TNIK: variants seen among roughly 807,000 people sequenced by gnomAD.
TNIK encodes TRAF2 and NCK-interacting protein kinase.
TNIK carries 49 observed loss-of-function variants against 191.3 expected under a neutral mutation model. That is an observed-to-expected ratio of 0.26 (90% CI 0.20 to 0.32). The LOEUF is 0.32. Among genes scored for constraint, TNIK ranks in the 10% least tolerant of loss-of-function variants. The pLI is 1.00. For missense variants in TNIK, 1,155 were observed against 1,702.3 expected, an observed-to-expected ratio of 0.68 and a Z score of 5.66; for synonymous variants, 594 against 600.9, an observed-to-expected ratio of 0.99 and a Z score of 0.17.
Position 171,062,131 on chromosome 3 carries a change from G to C in TNIK, c.*1750C>G, listed in dbSNP as rs1717888140. ...CGTTCTCATTAATAGTACATCAGCT[G>C]CTTGTGTATTTAGGCAAAGTCAGTA... is the stretch of plus-strand genomic sequence containing the variant. On this transcript the variant is annotated 3_prime_UTR_variant, in exon 33 of 33. Transcript: ENST00000436636. The C allele has an allele frequency of 6.6e-6, 1 of 152,070 alleles. No individual in the cohort carries two copies. Among genetic ancestry groups the C allele is most frequent in the African/African-American group, 2.4e-5 (1 of 41,414 alleles). The allele number at this position is 152,070 out of a possible 1,614,324, so 9.4% of individuals were successfully genotyped here.
intron 8 of TNIK, among the ~76,000 whole-genome samples, 200 bp from the exon 9 acceptor site, chr3:171,175,530 A>G (rs939541356): frequency 2.0e-5 from 3 of 152,180 alleles, no homozygotes; most frequent in African/African-American, 4.8e-5. Context: ...AAAATACAAC[A>G]TGGTTCACAT....
Position 171,366,045 on chromosome 3 carries a change from A to C in TNIK, c.123+3575T>G, listed in dbSNP as rs1335659845. 6.6e-6 allele frequency among the ~76,000 whole-genome samples: 1 copy of C among 152,240 alleles called. No individual in the cohort carries two copies. The highest frequency in any genetic ancestry group is 2.4e-5 in the African/African-American group (1 of 41,456). ...CATTAAACAATTATTTCAATTTATTAAAAGAATTACTCTATTTTAACAAAA... is the reference window on the plus strand; with the variant it reads ...CATTAAACAATTATTTCAATTTATTCAAAGAATTACTCTATTTTAACAAAA... On this transcript the variant is annotated intron_variant, in intron 2 of 32. Coordinates refer to ENST00000436636, the MANE Select transcript of TNIK (RefSeq NM_015028.4). This position sits in a 1 kb window ranked among gnomAD's most constrained non-coding sequence, Gnocchi z 4.1.
intron 2 of TNIK, among the ~76,000 whole-genome samples, chr3:171,275,621 A>G (rs931453695): frequency 2.4e-4 from 36 of 152,160 alleles, no homozygotes; most frequent in African/African-American, 8.2e-4. Context: ...GTGTTTCCAT[A>G]TAAAAAGAGG....
At chr3:171,101,687 A>G in intron 21 of TNIK, 54 bp from the exon 22 acceptor site, 1 of 1,566,336 alleles carries the variant, frequency 6.4e-7, no homozygotes, top group Admixed American at 2.0e-5. Context: ...CCAAAGCTAC[A>G]TCTCTCAGCA....
chr3:171,263,475 A>G (rs1333729778), intron 2 of TNIK, among the ~76,000 whole-genome samples: 4 of 152,188 alleles, frequency 2.6e-5, no homozygotes, highest in Non-Finnish European at 4.4e-5. Flanking sequence ...GAAAAAAAGG[A>G]GGGGGTTTTC....
intron 15 of TNIK, among the ~76,000 whole-genome samples, chr3:171,135,222 C>T (rs1357358170): frequency 6.6e-6 from 1 of 152,210 alleles, no homozygotes; most frequent in African/African-American, 2.4e-5. Flanking sequence ...ACTACTTGGT[C>T]ACTTTGAGCC....
chr3:171,344,664 A>G (rs1380307743), intron 2 of TNIK, among the ~76,000 whole-genome samples: 1 of 152,118 alleles, frequency 6.6e-6, no homozygotes, highest in Non-Finnish European at 1.5e-5. Flanking sequence ...ACCAAGATGG[A>G]ACAGTGTTTA....
Position 171,231,695 on chromosome 3 carries a change from A to C in TNIK, c.124-3474T>G, listed in dbSNP as rs138672744. 1.1e-3 allele frequency among the ~76,000 whole-genome samples: 173 copies of C among 152,296 alleles called. 2 individuals carry two copies. The highest frequency in any genetic ancestry group is 4.0e-3 in the African/African-American group (168 of 41,554). On this transcript the variant is annotated intron_variant, in intron 2 of 32. Coordinates refer to ENST00000436636, the MANE Select transcript of TNIK (RefSeq NM_015028.4). ...TCCAGATTAAGGCAGACTTGGAGGG[A>C]ATGGCAGGGAGTCAGCCGACCTAAA...
chr3:171,114,914 C>G (rs1345241811), intron 18 of TNIK, among the ~76,000 whole-genome samples: 2 of 151,538 alleles, frequency 1.3e-5, no homozygotes. Context: ...ATCTACATTT[C>G]AAATTTTTCA....
chr3:171,259,383 T>C (rs925477300), intron 2 of TNIK, among the ~76,000 whole-genome samples: 4 of 152,148 alleles, frequency 2.6e-5, no homozygotes, highest in African/African-American at 4.8e-5. Flanking sequence ...CAGTTGTCTA[T>C]TGGCAATTGA....
chr3:171,085,837 C>T (rs1721285807), intron 24 of TNIK, among the ~76,000 whole-genome samples: 1 of 152,198 alleles, frequency 6.6e-6, no homozygotes, highest in African/African-American at 2.4e-5. Context: ...ATTACATTTA[C>T]ATCCTTATTT....
At chr3:171,423,950 A>C (rs2108638267) in intron 1 of TNIK, among the ~76,000 whole-genome samples, 1 of 152,318 alleles carries the variant, frequency 6.6e-6, no homozygotes, top group South Asian at 2.1e-4. Flanking sequence ...AAAACACCCA[A>C]AGCAATGGCA....
At position 171,288,320 on chromosome 3, in the gene TNIK, T is replaced by A. The variant is rs551655160; in HGVS notation, c.124-60099A>T. On this transcript the variant is annotated intron_variant, in intron 2 of 32. Transcript: ENST00000436636. ...GTACCCTAAAACTTAAAGTATAATT[T>A]AAAAAAAAAAAAAAAGAAAATATTT... Among the ~76,000 whole-genome samples, 232 of 138,600 alleles carry A rather than the reference T, an allele frequency of 1.7e-3. 1 individual carries two copies. The highest frequency in any genetic ancestry group is 5.8e-3 in the African/African-American group (220 of 38,192). 90.9% of individuals were successfully genotyped at this position (138,600 alleles called of 152,430 possible).
chr3:171,212,610 C>A (rs1465678832), intron 3 of TNIK, among the ~76,000 whole-genome samples: 1 of 152,120 alleles, frequency 6.6e-6, no homozygotes, highest in East Asian at 1.9e-4. Context: ...ATCAGAATTG[C>A]CACCCACATT....
chr3:171,255,815 A>G (rs1248573610), intron 2 of TNIK, among the ~76,000 whole-genome samples: 2 of 152,152 alleles, frequency 1.3e-5, no homozygotes, highest in Non-Finnish European at 2.9e-5. Flanking sequence ...TCTGTTTGGA[A>G]GGACATTGAA....
chr3:171,293,454 T>C (rs912842488), intron 2 of TNIK, among the ~76,000 whole-genome samples: 1 of 152,228 alleles, frequency 6.6e-6, no homozygotes, highest in African/African-American at 2.4e-5. Flanking sequence ...GAACATTAAA[T>C]AGCATGGAAT....
chr3:171,164,510 T>G (rs1040640901), intron 10 of TNIK, among the ~76,000 whole-genome samples: 54 of 152,342 alleles, frequency 3.5e-4, no homozygotes, highest in African/African-American at 1.2e-3. Flanking sequence ...GCAGTAGATA[T>G]TAGTAGTATA....
intron 9 of TNIK, among the ~76,000 whole-genome samples, chr3:171,167,891 C>A (rs1188922752): frequency 6.6e-6 from 1 of 152,324 alleles, no homozygotes; most frequent in Non-Finnish European, 1.5e-5. Flanking sequence ...TTCAGAATCA[C>A]TTTTGAACGC....
chr3:171,285,546 T>C (rs1750918911), intron 2 of TNIK, among the ~76,000 whole-genome samples: 1 of 152,224 alleles, frequency 6.6e-6, no homozygotes. Context: ...ACCTATACAG[T>C]GAAGGCTGTG....
Sources: allele counts gnomAD v4.1 joint callset (sites outside exome capture counted in the v4.1 genomes callset), GRCh38; gene constraint gnomAD v4.1.1; non-coding constraint Gnocchi (gnomAD v3.1); transcripts MANE v1.5; gene names NCBI Gene and HGNC (gene_info 2026-07-23, HGNC 2026-07-21).